ADGRD1: variants seen among roughly 807,000 people sequenced by gnomAD.
The protein encoded by ADGRD1 is adhesion G protein-coupled receptor D1.
Under a neutral mutation model 113.4 loss-of-function variants are expected in ADGRD1, and 77 were observed. The observed-to-expected ratio is 0.68, with a 90% CI of 0.57 to 0.82. The LOEUF (loss-of-function observed/expected upper bound fraction) is 0.82. ADGRD1 is among the 40% of genes least tolerant of loss of function. The probability of loss-of-function intolerance (pLI) is 0.00; values close to 1 mark genes in which losing one functional copy is unlikely to be tolerated. For synonymous variants in ADGRD1, 474 were observed against 475.0 expected, an observed-to-expected ratio of 1.00 and a Z score of 0.03; for missense variants, 1,036 against 1,139.1, an observed-to-expected ratio of 0.91 and a Z score of 1.30.
chr12:130,964,436 A>G (rs1289144114), intron 2 of ADGRD1, among the ~76,000 whole-genome samples: 1 of 152,200 alleles, frequency 6.6e-6, no homozygotes, highest in Non-Finnish European at 1.5e-5. Context: ...CTGTAATCCC[A>G]GCATTTTGGG....
At position 130,954,137 on chromosome 12, in the gene ADGRD1, G is replaced by A; in HGVS notation, c.-329G>A. 1 of 311,630 alleles carries A rather than the reference G, an allele frequency of 3.2e-6. No homozygotes were observed. The highest frequency in any genetic ancestry group is 5.8e-6 in the Non-Finnish European group (1 of 172,590). The allele number at this position is 311,630 out of a possible 1,614,324, so 19.3% of individuals were successfully genotyped here. ...CAGGACAAACAGCCTCCCGTCCCCGGGCGCAGGTCGCGGTCACAGTGGTGA... is the reference window on the plus strand; with the variant it reads ...CAGGACAAACAGCCTCCCGTCCCCGAGCGCAGGTCGCGGTCACAGTGGTGA... On this transcript the variant is annotated 5_prime_UTR_variant, in exon 1 of 25. Coordinates refer to ENST00000261654, the MANE Select transcript of ADGRD1 (RefSeq NM_198827.5). This position sits in a 1 kb window ranked among gnomAD's most constrained non-coding sequence, Gnocchi z 4.7.
Position 130,991,093 on chromosome 12 carries a change from C to T in ADGRD1, c.810+15C>T, listed in dbSNP as rs1874322748. On this transcript the variant is annotated intron_variant, in intron 7 of 24. Transcript: ENST00000261654. Reference sequence around the variant, plus strand: ...CAAGCCCCGTGGTGAGCAGACACATCTTCCTTGGTCCCCCTTGCTGATGTT... The same window carrying T: ...CAAGCCCCGTGGTGAGCAGACACATTTTCCTTGGTCCCCCTTGCTGATGTT... 4.3e-6 allele frequency: 7 copies of T among 1,609,600 alleles called. No individual in the cohort carries two copies. Among genetic ancestry groups the T allele is most frequent in the Non-Finnish European group, 6.0e-6 (7 of 1,176,072 alleles).
Position 131,114,780 on chromosome 12 carries a change from C to T in ADGRD1, c.2042-3605C>T, listed in dbSNP as rs182164881. Among the ~76,000 whole-genome samples the T allele has an allele frequency of 3.0e-3, 449 of 152,002 alleles. 1 individual carries two copies. Among genetic ancestry groups the T allele is most frequent in the African/African-American group, 9.8e-3 (406 of 41,440 alleles). ...CCTTACCTTAAGGTGTTGTTGACTG[C>T]GAGACTTGTGCTAGGAACTCTGAAG... is the stretch of plus-strand genomic sequence containing the variant. On this transcript the variant is annotated intron_variant, in intron 18 of 24. Coordinates refer to ENST00000261654, the MANE Select transcript of ADGRD1 (RefSeq NM_198827.5).
chr12:131,116,807 G>C (rs966881331), intron 18 of ADGRD1, among the ~76,000 whole-genome samples: 12 of 152,244 alleles, frequency 7.9e-5, no homozygotes, highest in African/African-American at 2.7e-4. Context: ...CCTGCAGAGG[G>C]AGCAGAGGAC....
At chr12:131,030,625 C>G (rs915994630) in intron 13 of ADGRD1, 1 of 152,254 alleles carries the variant, frequency 6.6e-6, no homozygotes, top group Non-Finnish European at 1.5e-5. Context: ...AGCTGCACAT[C>G]GGGGCAGGTG....
chr12:131,021,018 C>T (rs1879252265), intron 13 of ADGRD1, among the ~76,000 whole-genome samples: 1 of 152,194 alleles, frequency 6.6e-6, no homozygotes, highest in Admixed American at 6.5e-5. Flanking sequence ...GGGTTGCATT[C>T]AGCCAGGAGG....
At chr12:131,006,616 CAT>C (rs1310627651) in intron 12 of ADGRD1, among the ~76,000 whole-genome samples, 1 of 147,380 alleles carries the variant, frequency 6.8e-6, no homozygotes, top group Non-Finnish European at 1.5e-5. Context: ...AGCATCGCCT[CAT>C]GTGGGTTTGG....
At chr12:131,121,423 T>C (rs896357023) in intron 20 of ADGRD1, among the ~76,000 whole-genome samples, 3 of 152,222 alleles carry the variant, frequency 2.0e-5, no homozygotes, top group Non-Finnish European at 4.4e-5. Flanking sequence ...TCTCACTTTG[T>C]CTCCCAGGCT....
At chr12:131,132,233 A>G (rs551055842) in intron 21 of ADGRD1, among the ~76,000 whole-genome samples, 12 of 152,260 alleles carry the variant, frequency 7.9e-5, no homozygotes, top group African/African-American at 2.9e-4. Flanking sequence ...CGGGATGATA[A>G]CAGGTTCCCC....
At chr12:131,115,167 C>T (rs77671654) in intron 18 of ADGRD1, among the ~76,000 whole-genome samples, 6 of 152,296 alleles carry the variant, frequency 3.9e-5, no homozygotes, top group Admixed American at 3.3e-4. Flanking sequence ...AAAGAACAAA[C>T]GTCATTTTCC....
Position 131,084,704 on chromosome 12 carries a change from T to TA in ADGRD1, c.1671+42dup, listed in dbSNP as rs775605747. The TA allele has an allele frequency of 1.9e-6, 3 of 1,608,238 alleles. No homozygotes were observed. Reference sequence around the variant, plus strand: ...CAGGGGTCGCGGGACCTGGGGGACGTACCATGAGGCTGCAGGTGGGGGCGG... The same window carrying TA: ...CAGGGGTCGCGGGACCTGGGGGACGTAACCATGAGGCTGCAGGTGGGGGCGG... On this transcript the variant is annotated intron_variant, in intron 15 of 24. Coordinates refer to ENST00000261654, the MANE Select transcript of ADGRD1 (RefSeq NM_198827.5). This position sits in a 1 kb window ranked among gnomAD's most constrained non-coding sequence, Gnocchi z 4.5.
chr12:130,998,503 C>T (rs535451803), intron 8 of ADGRD1, among the ~76,000 whole-genome samples: 2 of 152,040 alleles, frequency 1.3e-5, no homozygotes, highest in Non-Finnish European at 2.9e-5. Flanking sequence ...CTCGCTCTGT[C>T]ACCCAGGTTG....
chr12:131,118,438 G>A lies in ADGRD1; in HGVS notation c.2095G>A (p.Gly699Arg), dbSNP rs149859410. 522 of 1,610,982 alleles carry A rather than the reference G, an allele frequency of 3.2e-4. 5 individuals are homozygous for A. The highest frequency in any genetic ancestry group is 5.1e-5 in the Admixed American group (3 of 59,248). ...ACTGTCATTTGCCATGGACAGTTACGGAACAAGCAACAAGTAAGTGCAGGG... is the reference window on the plus strand; with the variant it reads ...ACTGTCATTTGCCATGGACAGTTACAGAACAAGCAACAAGTAAGTGCAGGG... ...ISLSFAMDSY[G>R]TSNNCWLSLA... Residue 699 changes from glycine to arginine, a missense_variant, in exon 19 of 25, where the codon GGA becomes AGA. Coordinates refer to ENST00000261654, the MANE Select transcript of ADGRD1 (RefSeq NM_198827.5).
intron 13 of ADGRD1, among the ~76,000 whole-genome samples, chr12:131,066,519 C>T (rs890596852): frequency 1.3e-5 from 2 of 152,212 alleles, no homozygotes; most frequent in African/African-American, 2.4e-5. Context: ...TTCATCCCAC[C>T]GAAGTTCACG....
rs774061059 is a variant in ADGRD1, at chr12:130,954,594, G to A, written c.67-30G>A. On this transcript the variant is annotated intron_variant, in intron 1 of 24. Transcript: ENST00000261654. This position sits in a 1 kb window ranked among gnomAD's most constrained non-coding sequence, Gnocchi z 4.7. ...GTTTCTCCGGAGGCTTTCCCTGAGTGTGTCTCACACTGTGGTCTTTTGTGC... is the reference window on the plus strand; with the variant it reads ...GTTTCTCCGGAGGCTTTCCCTGAGTATGTCTCACACTGTGGTCTTTTGTGC... 24 of 1,613,920 alleles carry A rather than the reference G, an allele frequency of 1.5e-5. No individual in the cohort carries two copies. The East Asian group carries it at 1.8e-4, about 12-fold the overall frequency.
chr12:130,986,722 C>T (rs143742528), intron 5 of ADGRD1: 37 of 225,268 alleles, frequency 1.6e-4, no homozygotes, highest in African/African-American at 7.9e-4. Context: ...ACATCCTTGT[C>T]TCGCTCCTGA....
At chr12:131,046,508 C>CT (rs1882810310) in intron 13 of ADGRD1, among the ~76,000 whole-genome samples, 1 of 133,446 alleles carries the variant, frequency 7.5e-6, no homozygotes, top group Non-Finnish European at 1.6e-5. Flanking sequence ...CTGGTCAGTG[C>CT]CCCCTCCCTG....
intron 14 of ADGRD1, among the ~76,000 whole-genome samples, chr12:131,080,114 TA>T (rs751678781): frequency 1.2e-4 from 18 of 152,230 alleles, no homozygotes; most frequent in Non-Finnish European, 1.9e-4. Context: ...TTTAATGCTA[TA>T]TTTTTTCTGT....
intron 13 of ADGRD1, among the ~76,000 whole-genome samples, chr12:131,036,628 CCTCA>C (rs1439910494): frequency 7.3e-6 from 1 of 136,618 alleles, no homozygotes; most frequent in Non-Finnish European, 1.5e-5. Context: ...CCGCACCAGG[CCTCA>C]CTCACTGCAC....
Sources: gnomAD v4.1 joint callset for allele counts (sites outside exome capture counted in the v4.1 genomes callset) on GRCh38, gnomAD v4.1.1 for gene constraint, Gnocchi (gnomAD v3.1) non-coding constraint, MANE v1.5 for transcripts, NCBI Gene and HGNC (gene_info 2026-07-23, HGNC 2026-07-21) for gene names.